The following DOCK2 variants were observed in gnomAD, a reference collection of about 807,000 sequenced individuals.
The protein encoded by DOCK2 is dedicator of cytokinesis 2.
In DOCK2, 87 loss-of-function variants were observed where a neutral mutation model predicts 248.9. The ratio of observed to expected loss-of-function variants is 0.35; its 90% CI spans 0.29 to 0.42. DOCK2 has a LOEUF of 0.42. DOCK2 is among the 10% of genes least tolerant of loss of function. DOCK2 has a pLI of 1.00. For synonymous variants in DOCK2, 805 were observed against 821.6 expected, an observed-to-expected ratio of 0.98 and a Z score of 0.35; for missense variants, 1,747 against 2,300.2, an observed-to-expected ratio of 0.76 and a Z score of 4.92.
At chr5:170,057,187 G>A in intron 43 of DOCK2, 1 of 370,302 alleles carries the variant, frequency 2.7e-6, no homozygotes, top group Non-Finnish European at 5.1e-6. Flanking sequence ...ACTGGATTAA[G>A]GAGGTGTCTC....
Position 170,018,960 on chromosome 5 carries a change from G to A in DOCK2, c.3233G>A (p.Gly1078Asp), listed in dbSNP as rs1561883336. ...FSIRDMWYKLGQNKICFIPGM... is the reference protein window; with the variant it reads ...FSIRDMWYKLDQNKICFIPGM... ...TGTTCATGTTCCTCTTCTCTTTCAG[G>A]TCAGAACAAAATCTGCTTCATCCCA... Residue 1078 changes from glycine (G) to aspartate (D), a missense_variant and splice_region_variant, in exon 33 of 52, where the codon GGT (glycine) becomes GAT (aspartate). Gly to Asp is a moderately conservative substitution (Grantham distance 94). Transcript: ENST00000520908. 6.2e-7 allele frequency: 1 copy of A among 1,613,670 alleles called. No homozygotes were observed. The highest frequency in any genetic ancestry group is 8.5e-7 in the Non-Finnish European group (1 of 1,179,804).
At chr5:170,034,213 A>T (rs1403071852) in intron 34 of DOCK2, among the ~76,000 whole-genome samples, 186 bp from the exon 35 acceptor site, 1 of 132,234 alleles carries the variant, frequency 7.6e-6, no homozygotes, top group East Asian at 2.5e-4. Flanking sequence ...ATTTTTTCCC[A>T]TTCTGATGTT....
chr5:170,054,614 A>C (rs1453112881), intron 41 of DOCK2, among the ~76,000 whole-genome samples: 1 of 152,204 alleles, frequency 6.6e-6, no homozygotes, highest in Non-Finnish European at 1.5e-5. Flanking sequence ...TGGGGTGCAA[A>C]ATGACATTTA....
chr5:169,858,335 G>A (rs866092787), intron 27 of DOCK2, among the ~76,000 whole-genome samples: 5 of 152,206 alleles, frequency 3.3e-5, no homozygotes, highest in Non-Finnish European at 7.3e-5. Context: ...GCATGGTCTG[G>A]GCTGAGTTGG....
At chr5:169,776,621 G>A (rs188150845) in intron 25 of DOCK2, among the ~76,000 whole-genome samples, 37 of 152,222 alleles carry the variant, frequency 2.4e-4, no homozygotes, top group African/African-American at 8.4e-4. Context: ...TTGGCTCTGC[G>A]CCCCTGACCA....
At chr5:169,708,522 C>T (rs1170581241) in intron 15 of DOCK2, among the ~76,000 whole-genome samples, 2 of 151,748 alleles carry the variant, frequency 1.3e-5, no homozygotes, top group African/African-American at 2.4e-5. Flanking sequence ...TGCTCATCCC[C>T]GCAAGCTGAG....
At chr5:169,692,129 C>G (rs949486102) in intron 9 of DOCK2, among the ~76,000 whole-genome samples, 1 of 152,182 alleles carries the variant, frequency 6.6e-6, no homozygotes, top group Non-Finnish European at 1.5e-5. Context: ...GCTGGGATTA[C>G]AGGCGTGAGC....
chr5:169,924,130 T>A (rs33374), intron 27 of DOCK2, among the ~76,000 whole-genome samples: 47,847 of 151,988 alleles, frequency 0.31, 8,360 homozygotes, highest in East Asian at 0.55. Context: ...GGCACCTGCA[T>A]GCTCCCAGTC....
chr5:170,008,629 G>A, intron 31 of DOCK2, 32 bp downstream of exon 31: 1 of 1,613,998 alleles, frequency 6.2e-7, no homozygotes, highest in Non-Finnish European at 8.5e-7. Flanking sequence ...CCTGAAGAGG[G>A]GGAGGTCCAT....
chr5:169,699,004 A>T (rs758458799), intron 11 of DOCK2, among the ~76,000 whole-genome samples: 2 of 152,178 alleles, frequency 1.3e-5, no homozygotes, highest in Non-Finnish European at 2.9e-5. Context: ...GAGCATCATC[A>T]GTACTTAATA....
Position 169,708,195 on chromosome 5 carries a change from C to G in DOCK2, c.1410C>G (p.Asp470Glu). The part of the protein sequence containing the change: ...LPNAICVGAG[D>E]KPMNEYRSVV... ...ATGCAATTTGCGTGGGAGCAGGGGACAAGCCCATGAATGAGTATCGCTCCG... is the reference window on the plus strand; with the variant it reads ...ATGCAATTTGCGTGGGAGCAGGGGAGAAGCCCATGAATGAGTATCGCTCCG... Residue 470 changes from aspartate (D) to glutamate (E), a missense_variant, in exon 15 of 52, where the codon GAC becomes GAG. Physicochemically the swap from Asp to Glu is conservative, Grantham distance 45. This residue lies in a region of DOCK2 where 858 missense variants were observed against 1,183.5 expected (regional missense o/e 0.72). Transcript: ENST00000520908. 6.2e-7 allele frequency: 1 copy of G among 1,614,030 alleles called. No individual in the cohort carries two copies. Among genetic ancestry groups the G allele is most frequent in the East Asian group, 2.2e-5 (1 of 44,844 alleles).
At chr5:169,945,135 A>G (rs1223001800) in intron 27 of DOCK2, among the ~76,000 whole-genome samples, 1 of 152,226 alleles carries the variant, frequency 6.6e-6, no homozygotes, top group Non-Finnish European at 1.5e-5. Context: ...TTGGCCCCAG[A>G]AGAATCCTCT....
intron 40 of DOCK2, among the ~76,000 whole-genome samples, chr5:170,048,017 T>A (rs1004447707): frequency 1.3e-5 from 2 of 152,212 alleles, no homozygotes; most frequent in Non-Finnish European, 2.9e-5. Context: ...CTTGTGTGTA[T>A]AAAGATAATC....
intron 30 of DOCK2, among the ~76,000 whole-genome samples, chr5:169,996,535 T>A (rs1754641116): frequency 1.3e-5 from 2 of 152,208 alleles, no homozygotes; most frequent in Admixed American, 6.5e-5. Context: ...TGATTTACAA[T>A]CAAATTCTCC....
intron 1 of DOCK2, among the ~76,000 whole-genome samples, chr5:169,642,554 A>G (rs1310737279): frequency 1.3e-5 from 2 of 152,224 alleles, no homozygotes; most frequent in Non-Finnish European, 2.9e-5. Context: ...ACAGTGGCTG[A>G]CTGTACCTTT....
intron 30 of DOCK2, among the ~76,000 whole-genome samples, chr5:169,998,270 A>G (rs1375436339): frequency 6.6e-6 from 1 of 152,174 alleles, no homozygotes; most frequent in African/African-American, 2.4e-5. Context: ...CAACAACTCT[A>G]TGCTCTGTAC....
chr5:169,761,663 G>A (rs1217570563), intron 25 of DOCK2, 38 bp downstream of exon 25: 3 of 1,567,454 alleles, frequency 1.9e-6, no homozygotes, highest in South Asian at 2.2e-5. Context: ...GGGGTAAGGG[G>A]CCAATAAACC....
intron 27 of DOCK2, among the ~76,000 whole-genome samples, chr5:169,897,676 A>T (rs1773693078): frequency 6.6e-6 from 1 of 152,226 alleles, no homozygotes; most frequent in South Asian, 2.1e-4. Flanking sequence ...AAGTTCCCTC[A>T]AACTCAAGTA....
chr5:169,895,305 T>C lies in DOCK2; in HGVS notation c.2799+54453T>C, dbSNP rs1773531841. ...TTCCTTTCTCTCCCTCCTCCTTCCC[T>C]CTCTTGTTTCTTGCAAAGGGAAGAG... is the stretch of plus-strand genomic sequence containing the variant. On this transcript the variant is annotated intron_variant, in intron 27 of 51. Transcript: ENST00000520908. Among the ~76,000 whole-genome samples, 4 of 152,146 alleles carry C rather than the reference T, an allele frequency of 2.6e-5. No individual in the cohort carries two copies. In the South Asian group the frequency reaches 8.3e-4, roughly 32 times the overall value.
Sources: allele counts gnomAD v4.1 joint callset (sites outside exome capture counted in the v4.1 genomes callset), GRCh38; gene constraint gnomAD v4.1.1; regional missense constraint gnomAD v4.1.1; transcripts MANE v1.5; gene names NCBI Gene and HGNC (gene_info 2026-07-23, HGNC 2026-07-21).